The following IQUB variants were observed in gnomAD, a reference collection of about 807,000 sequenced individuals.
IQUB encodes IQ motif and ubiquitin domain containing.
IQUB carries 86 observed loss-of-function variants against 86.4 expected under a neutral mutation model. The ratio of observed to expected loss-of-function variants is 1.00; its 90% CI spans 0.84 to 1.19. The LOEUF (loss-of-function observed/expected upper bound fraction) is 1.19. Among genes scored for constraint, IQUB ranks in the 50% most tolerant of loss-of-function variants. The probability of loss-of-function intolerance (pLI) is 0.00; values close to 1 mark genes in which losing one functional copy is unlikely to be tolerated. For missense variants in IQUB, 946 were observed against 916.9 expected (o/e 1.03, Z -0.41); for synonymous variants, 289 against 304.5 (o/e 0.95, Z 0.53).
At chr7:123,480,174 A>G in intron 7 of IQUB, among the ~76,000 whole-genome samples, 1 of 152,290 alleles carries the variant, frequency 6.6e-6, no homozygotes, top group Admixed American at 6.5e-5. Context: ...AAGAAACAGA[A>G]GCCAAAGGGA....
intron 7 of IQUB, among the ~76,000 whole-genome samples, chr7:123,488,878 G>C (rs1465008785): frequency 1.3e-5 from 2 of 152,106 alleles, no homozygotes; most frequent in African/African-American, 4.8e-5. Context: ...AGTCAAAAAT[G>C]TTGAAGTAAC....
chr7:123,523,037 C>T, intron 1 of IQUB, among the ~76,000 whole-genome samples: 1 of 150,752 alleles, frequency 6.6e-6, no homozygotes, highest in African/African-American at 2.4e-5. Flanking sequence ...ATGAACTCAT[C>T]ATTTTTTATG....
chr7:123,513,741 C>A (rs1796529373), intron 1 of IQUB, among the ~76,000 whole-genome samples: 1 of 152,156 alleles, frequency 6.6e-6, no homozygotes, highest in Non-Finnish European at 1.5e-5. Flanking sequence ...CTCCACCTCC[C>A]AGTTTCAAGT....
At chr7:123,498,729 G>A (rs1281889540) in intron 6 of IQUB, among the ~76,000 whole-genome samples, 1 of 152,144 alleles carries the variant, frequency 6.6e-6, no homozygotes, top group Non-Finnish European at 1.5e-5. Context: ...AGTAAATAGA[G>A]GGAAAAGGAA....
chr7:123,501,037 T>C (rs1160947068), intron 6 of IQUB: 1 of 152,192 alleles, frequency 6.6e-6, no homozygotes, highest in Admixed American at 6.5e-5. Context: ...AATTCATTTA[T>C]CACACACTTT....
intron 7 of IQUB, among the ~76,000 whole-genome samples, chr7:123,489,464 A>T (rs1244881944): frequency 6.6e-6 from 1 of 152,108 alleles, no homozygotes; most frequent in East Asian, 1.9e-4. Flanking sequence ...AGGAATGTAG[A>T]CTTCTCAAGA....
intron 1 of IQUB, among the ~76,000 whole-genome samples, 195 bp downstream of exon 1, chr7:123,534,297 G>A (rs1043424363): frequency 4.6e-5 from 7 of 152,186 alleles, no homozygotes; most frequent in African/African-American, 1.7e-4. Flanking sequence ...CAAAAAAGGA[G>A]CCGAGAAAGA....
intron 6 of IQUB, among the ~76,000 whole-genome samples, chr7:123,497,151 A>G (rs1284311380): frequency 1.3e-5 from 2 of 152,166 alleles, no homozygotes; most frequent in Admixed American, 1.3e-4. Flanking sequence ...CCTTAACAGA[A>G]TAGACTCTGG....
rs200331769 is a variant in IQUB at position 123,452,771 on chromosome 7, A to G, written c.2348T>C (p.Ile783Thr). 3.1e-6 allele frequency: 5 copies of G among 1,613,166 alleles called. No individual in the cohort carries two copies. Among genetic ancestry groups the G allele is most frequent in the Non-Finnish European group, 4.2e-6 (5 of 1,179,458 alleles). ...WKYHSDTTPK[I>T]IESQRPPH The stretch of plus-strand genomic sequence containing the variant: ...ATGAGGAGGCCTCTGGGATTCTATA[A>G]TCTTAGGTGTTGTGTCTGAGTGATA... The change falls in exon 13 of 13, where the codon ATT becomes ACT. Residue 783 changes from isoleucine to threonine, a missense_variant. Transcript: ENST00000324698.
intron 7 of IQUB, among the ~76,000 whole-genome samples, chr7:123,481,886 A>G (rs142719405): frequency 5.9e-4 from 90 of 152,264 alleles, no homozygotes; most frequent in African/African-American, 2.0e-3. Context: ...CGTAACAGTT[A>G]TGTTTAAAAT....
At chr7:123,531,988 C>A (rs902112026) in intron 1 of IQUB, among the ~76,000 whole-genome samples, 1 of 152,128 alleles carries the variant, frequency 6.6e-6, no homozygotes, top group Non-Finnish European at 1.5e-5. Context: ...TTCACGCTGG[C>A]AAAGCTTCTA....
At chr7:123,516,635 G>A (rs1218181310) in intron 1 of IQUB, among the ~76,000 whole-genome samples, 2 of 151,324 alleles carry the variant, frequency 1.3e-5, no homozygotes, top group Non-Finnish European at 2.9e-5. Flanking sequence ...ACTCAGAAAA[G>A]TATGAAAGAA....
At chr7:123,531,715 A>G (rs1351351528) in intron 1 of IQUB, among the ~76,000 whole-genome samples, 1 of 152,242 alleles carries the variant, frequency 6.6e-6, no homozygotes, top group Non-Finnish European at 1.5e-5. Flanking sequence ...GGTCAATTAT[A>G]CATTTTATAA....
At chr7:123,488,980 A>G (rs1223686872) in intron 7 of IQUB, among the ~76,000 whole-genome samples, 1 of 152,230 alleles carries the variant, frequency 6.6e-6, no homozygotes, top group Non-Finnish European at 1.5e-5. Flanking sequence ...ATAAGCAACA[A>G]AATGGATGAA....
intron 8 of IQUB, among the ~76,000 whole-genome samples, chr7:123,475,782 G>T (rs1416543024): frequency 3.3e-5 from 5 of 152,106 alleles, no homozygotes; most frequent in African/African-American, 1.2e-4. Context: ...TATTTGTGTT[G>T]CCCTGGGCCC....
At chr7:123,523,377 T>G (rs1584652421) in intron 1 of IQUB, among the ~76,000 whole-genome samples, 1 of 149,656 alleles carries the variant, frequency 6.7e-6, no homozygotes, top group Non-Finnish European at 1.5e-5. Flanking sequence ...GTTTCCTGAC[T>G]TTTTAATGAT....
At chr7:123,461,689 G>A (rs1408668399) in intron 10 of IQUB, 84 bp from the exon 11 acceptor site, 67 of 1,172,126 alleles carry the variant, frequency 5.7e-5, no homozygotes, top group Non-Finnish European at 7.0e-5. Flanking sequence ...AAGCATCAAA[G>A]GCTAACTTAC....
chr7:123,534,494 G>A lies in IQUB; in HGVS notation c.-7C>T, dbSNP rs945353815. 5 of 153,254 alleles carry A rather than the reference G, an allele frequency of 3.3e-5. No individual in the cohort carries two copies. Among genetic ancestry groups the A allele is most frequent in the African/African-American group, 7.2e-5 (3 of 41,564 alleles). 9.5% of individuals were successfully genotyped at this position (153,254 alleles called of 1,614,324 possible). A position where few individuals can be genotyped will look rare whatever the true frequency, so the allele number is the denominator to read the frequency against. ...GCAGTCAAAATCTGTTCTCCTACCTGTGTACGAAACCAAACTATTCTCGTC... is the reference window on the plus strand; with the variant it reads ...GCAGTCAAAATCTGTTCTCCTACCTATGTACGAAACCAAACTATTCTCGTC... On this transcript the variant is annotated splice_region_variant and 5_prime_UTR_variant, in exon 1 of 13. Transcript: ENST00000324698.
intron 12 of IQUB, chr7:123,457,062 G>T (rs1793731135): frequency 2.3e-6 from 1 of 435,160 alleles, no homozygotes; most frequent in African/African-American, 2.2e-5. Context: ...AGTATTGTAG[G>T]TATTAGAGAA....
Sources: allele counts gnomAD v4.1 joint callset (sites outside exome capture counted in the v4.1 genomes callset), GRCh38; gene constraint gnomAD v4.1.1; transcripts MANE v1.5; gene names NCBI Gene and HGNC (gene_info 2026-07-23, HGNC 2026-07-21).